Variants in TAFA4 observed in about 807,000 individuals in gnomAD.
TAFA4 encodes the protein chemokine-like protein TAFA-4.
A neutral mutation model predicts 21.1 loss-of-function variants in TAFA4; 20 were observed. That is an observed-to-expected ratio of 0.95 (90% CI 0.67 to 1.38). The LOEUF is 1.38. Ranked by LOEUF, TAFA4 falls within the 40% of genes most tolerant of loss-of-function variation. The pLI, the probability that TAFA4 is intolerant of heterozygous loss-of-function variation, is 0.00. For synonymous variants in TAFA4, 71 were observed against 67.4 expected, an observed-to-expected ratio of 1.05 and a Z score of -0.26; for missense variants, 211 against 180.9, an observed-to-expected ratio of 1.17 and a Z score of -0.95.
intron 3 of TAFA4, among the ~76,000 whole-genome samples, chr3:68,851,943 A>C (rs1014405): frequency 6.6e-6 from 1 of 152,120 alleles, no homozygotes; most frequent in South Asian, 2.1e-4. Context: ...GGGCTCCTTA[A>C]AAGTACAGAT....
At chr3:68,761,024 A>T (rs902562597) in intron 3 of TAFA4, among the ~76,000 whole-genome samples, 4 of 152,196 alleles carry the variant, frequency 2.6e-5, no homozygotes, top group African/African-American at 9.7e-5. Flanking sequence ...CTAAGATGGA[A>T]GTGGATTTAT....
intron 1 of TAFA4, among the ~76,000 whole-genome samples, chr3:68,906,634 G>A (rs889169544): frequency 6.6e-6 from 1 of 152,138 alleles, no homozygotes; most frequent in African/African-American, 2.4e-5. Context: ...TGTTAAATCA[G>A]TGTCAACCAG....
intron 2 of TAFA4, among the ~76,000 whole-genome samples, chr3:68,881,989 C>T (rs115131494): frequency 0.012 from 1,789 of 152,300 alleles, 37 homozygotes; most frequent in African/African-American, 0.041. Context: ...ATTCTCTCTC[C>T]GTGACCTCTC....
At chr3:68,867,777 G>T (rs946154883) in intron 3 of TAFA4, among the ~76,000 whole-genome samples, 1 of 151,938 alleles carries the variant, frequency 6.6e-6, no homozygotes, top group Non-Finnish European at 1.5e-5. Flanking sequence ...AAAATAACTT[G>T]TTATATCTAT....
chr3:68,752,010 C>A (rs1230207505), intron 4 of TAFA4, among the ~76,000 whole-genome samples: 1 of 152,100 alleles, frequency 6.6e-6, no homozygotes, highest in Non-Finnish European at 1.5e-5. Context: ...TTGTGTATGT[C>A]TATATGTGTG....
At chr3:68,733,215 G>A in intron 5 of TAFA4, 62 bp from the exon 6 acceptor site, 2 of 1,583,170 alleles carry the variant, frequency 1.3e-6, no homozygotes, top group Non-Finnish European at 8.6e-7. Context: ...AACCATTCCT[G>A]CCCCCGAGAC....
intron 3 of TAFA4, among the ~76,000 whole-genome samples, chr3:68,761,653 C>T (rs924156652): frequency 2.6e-5 from 4 of 152,142 alleles, no homozygotes; most frequent in African/African-American, 9.7e-5. Flanking sequence ...GGCTGAGAAG[C>T]CACTGGATAT....
intron 2 of TAFA4, among the ~76,000 whole-genome samples, chr3:68,881,592 G>A (rs2089618996): frequency 1.3e-5 from 2 of 152,128 alleles, no homozygotes. Flanking sequence ...AACTTTTTTT[G>A]TTTGCTTTTT....
intron 1 of TAFA4, among the ~76,000 whole-genome samples, chr3:68,894,158 CTTTTT>C (rs79469344): frequency 7.3e-6 from 1 of 137,176 alleles, no homozygotes. Flanking sequence ...TTACTTGTTA[CTTTTT>C]TTTTTTTTTT....
intron 3 of TAFA4, among the ~76,000 whole-genome samples, chr3:68,788,451 G>A (rs1356613607): frequency 6.6e-6 from 1 of 152,172 alleles, no homozygotes; most frequent in Non-Finnish European, 1.5e-5. Context: ...AGTCTTTGCT[G>A]TGCAGAAACT....
intron 3 of TAFA4, among the ~76,000 whole-genome samples, chr3:68,764,604 T>C (rs1702813772): frequency 6.6e-6 from 1 of 152,212 alleles, no homozygotes; most frequent in Non-Finnish European, 1.5e-5. Context: ...GTAAATTGGC[T>C]TTTTAGCCTA....
At chr3:68,819,215 A>G (rs1704057731) in intron 3 of TAFA4, among the ~76,000 whole-genome samples, 1 of 146,796 alleles carries the variant, frequency 6.8e-6, no homozygotes, top group Non-Finnish European at 1.5e-5. Flanking sequence ...GGTTGCAGTG[A>G]GCTGAAATTG....
chr3:68,736,279 G>A lies in TAFA4; in HGVS notation c.411+2796C>T, dbSNP rs1702239576. 3.9e-5 allele frequency among the ~76,000 whole-genome samples: 6 copies of A among 151,958 alleles called. No individual in the cohort carries two copies. In the South Asian group the frequency reaches 1.3e-3, roughly 32 times the overall value. ...TCAATTAAGAAAAAAAAAAATTAAG[G>A]CAGGTCCACAGAGAGAGTCATATTT... On this transcript the variant is annotated intron_variant, in intron 5 of 5. Coordinates refer to ENST00000295569, the MANE Select transcript of TAFA4 (RefSeq NM_182522.5).
intron 3 of TAFA4, among the ~76,000 whole-genome samples, chr3:68,861,048 C>G (rs549431917): frequency 7.2e-6 from 1 of 139,760 alleles, no homozygotes; most frequent in African/African-American, 2.6e-5. Flanking sequence ...CCCGCCCCCA[C>G]GACTCAGCAA....
At chr3:68,873,337 TACACACACACACAC>T (rs34998311) in intron 3 of TAFA4, among the ~76,000 whole-genome samples, 38 of 133,514 alleles carry the variant, frequency 2.8e-4, no homozygotes, top group Middle Eastern at 3.6e-3. Flanking sequence ...CACGCAGACA[TACACACACACACAC>T]ACACACACAC....
At chr3:68,838,975 G>A (rs1191826969) in intron 3 of TAFA4, among the ~76,000 whole-genome samples, 2 of 152,160 alleles carry the variant, frequency 1.3e-5, no homozygotes, top group African/African-American at 4.8e-5. Flanking sequence ...AGGCGCACCT[G>A]TAGTCCCAGC....
chr3:68,903,689 G>A (rs1381064306), intron 1 of TAFA4, among the ~76,000 whole-genome samples: 2 of 152,126 alleles, frequency 1.3e-5, no homozygotes, highest in East Asian at 3.8e-4. Context: ...GTATGCACAG[G>A]TTTGTTATAT....
At chr3:68,831,250 C>A (rs966929414) in intron 3 of TAFA4, among the ~76,000 whole-genome samples, 16 of 152,162 alleles carry the variant, frequency 1.1e-4, no homozygotes, top group Admixed American at 1.0e-3. Flanking sequence ...CTGGTAATTT[C>A]ACCCATTAAT....
chr3:68,901,244 T>A (rs1323937564), intron 1 of TAFA4, among the ~76,000 whole-genome samples: 1 of 152,092 alleles, frequency 6.6e-6, no homozygotes, highest in Non-Finnish European at 1.5e-5. Context: ...CTATTTTTAG[T>A]TCCAAGACTT....
Sources: allele counts gnomAD v4.1 joint callset (sites outside exome capture counted in the v4.1 genomes callset), GRCh38; gene constraint gnomAD v4.1.1; transcripts MANE v1.5; gene names NCBI Gene and HGNC (gene_info 2026-07-23, HGNC 2026-07-21).